CYSLTR2: variants seen among roughly 807,000 people sequenced by gnomAD.
The protein encoded by CYSLTR2 is cysteinyl leukotriene receptor 2, also known as G-protein coupled receptor GPCR21.
For missense variants in CYSLTR2, 398 were observed against 411.9 expected, an observed-to-expected ratio of 0.97 and a Z score of 0.29; for synonymous variants, 179 against 160.8, an observed-to-expected ratio of 1.11 and a Z score of -0.86.
In CYSLTR2 at chr13:48,701,998, C is replaced by G. The variant is rs559975237; in HGVS notation, c.-1-4819C>G. Reference sequence around the variant, plus strand: ...GTGGCACTATTCACAATAGCAAAGACTTGGAACCAACCCAAATGTCCATCA... The same window carrying G: ...GTGGCACTATTCACAATAGCAAAGAGTTGGAACCAACCCAAATGTCCATCA... On this transcript the variant is annotated intron_variant, in intron 4 of 4. Transcript: ENST00000682523. Among the ~76,000 whole-genome samples, 417 of 152,118 alleles carry G rather than the reference C, an allele frequency of 2.7e-3. 4 individuals are homozygous for G. Among genetic ancestry groups the G allele is most frequent in the African/African-American group, 9.6e-3 (398 of 41,476 alleles).
At chr13:48,658,531 C>G (rs1242402294) in intron 1 of CYSLTR2, among the ~76,000 whole-genome samples, 1 of 152,174 alleles carries the variant, frequency 6.6e-6, no homozygotes, top group African/African-American at 2.4e-5. Context: ...CATGGGCAAA[C>G]AGTCTGGTGG....
chr13:48,666,635 C>T (rs1394752492), intron 1 of CYSLTR2, among the ~76,000 whole-genome samples: 1 of 152,066 alleles, frequency 6.6e-6, no homozygotes, highest in Non-Finnish European at 1.5e-5. Context: ...TTTCAAAAGA[C>T]CTGTCTTCGT....
In CYSLTR2 at chr13:48,695,462, C is replaced by T. The variant is rs76267323; in HGVS notation, c.-102-1064C>T. Among the ~76,000 whole-genome samples the T allele has an allele frequency of 2.1e-3, 316 of 150,272 alleles. 2 individuals carry two copies. The highest frequency in any genetic ancestry group is 7.4e-3 in the South Asian group (35 of 4,744). On this transcript the variant is annotated intron_variant, in intron 3 of 4. Coordinates refer to ENST00000682523, the MANE Select transcript of CYSLTR2 (RefSeq NM_001308476.3). ...CTCAGGTCTCACTATGTTGCCTAGG[C>T]TCATCTCAAACTCCTGCACAGCCCA...
Position 48,710,742 on chromosome 13 carries a change from G to A in CYSLTR2, c.*2884G>A, listed in dbSNP as rs1320960031. On this transcript the variant is annotated 3_prime_UTR_variant, in exon 5 of 5. Coordinates refer to ENST00000682523, the MANE Select transcript of CYSLTR2 (RefSeq NM_001308476.3). Reference sequence around the variant, plus strand: ...ATAAACACTTAGTTAAGATGAAAAGGTATTAAATTTGTGGGTGGAAGACAT... The same window carrying A: ...ATAAACACTTAGTTAAGATGAAAAGATATTAAATTTGTGGGTGGAAGACAT... The A allele has an allele frequency of 6.6e-4, 101 of 152,262 alleles. 2 individuals are homozygous for A. Among genetic ancestry groups the A allele is most frequent in the Admixed American group, 6.5e-3 (100 of 15,282 alleles). The allele number at this position is 152,262 out of a possible 1,614,324, so 9.4% of individuals were successfully genotyped here.
At position 48,707,039 on chromosome 13, in the gene CYSLTR2, C is replaced by T. The variant is rs376375520; in HGVS notation, c.222C>T (p.Asn74=). Residue 74 remains asparagine, a synonymous_variant, in exon 5 of 5, where the codon AAC becomes AAT. Transcript: ENST00000682523. Reference sequence around the variant, plus strand: ...CTTATAAGAAGTCCACATCTGTGAACGTTTTCATGCTAAATCTGGCCATTT... The same window carrying T: ...CTTATAAGAAGTCCACATCTGTGAATGTTTTCATGCTAAATCTGGCCATTT... ...LQPYKKSTSV[N]VFMLNLAISD... The T allele has an allele frequency of 5.0e-6, 8 of 1,614,022 alleles. No individual in the cohort carries two copies. The highest frequency in any genetic ancestry group is 1.3e-5 in the African/African-American group (1 of 74,892).
chr13:48,663,626 A>AT (rs1273364955), intron 1 of CYSLTR2, among the ~76,000 whole-genome samples: 2 of 151,326 alleles, frequency 1.3e-5, no homozygotes, highest in Non-Finnish European at 3.0e-5. Context: ...CCCTCTTGAT[A>AT]TTTTTTTTCC....
intron 1 of CYSLTR2, among the ~76,000 whole-genome samples, chr13:48,667,147 A>C (rs1953284644): frequency 6.6e-6 from 1 of 152,158 alleles, no homozygotes; most frequent in Non-Finnish European, 1.5e-5. Flanking sequence ...TGTAGTCTTC[A>C]TGTGGTTTCT....
At chr13:48,661,949 A>C (rs549933465) in intron 1 of CYSLTR2, among the ~76,000 whole-genome samples, 2 of 152,236 alleles carry the variant, frequency 1.3e-5, no homozygotes, top group South Asian at 4.1e-4. Flanking sequence ...ATTAGAACTT[A>C]TTCCTCTCAT....
chr13:48,674,982 C>G (rs1653893932), intron 1 of CYSLTR2, among the ~76,000 whole-genome samples: 1 of 152,238 alleles, frequency 6.6e-6, no homozygotes, highest in South Asian at 2.1e-4. Flanking sequence ...TTGCTGCCTG[C>G]TCCTTCCTCT....
rs760151586 is a variant in CYSLTR2, at chr13:48,707,888, T to C, written c.*30T>C. On this transcript the variant is annotated 3_prime_UTR_variant, in exon 5 of 5. Coordinates refer to ENST00000682523, the MANE Select transcript of CYSLTR2 (RefSeq NM_001308476.3). ...CTCTTAGATGAGACCTGTTCTTGTA[T>C]CCTTGTGTCCATCTTCATTCACTCA... The C allele has an allele frequency of 1.4e-6, 2 of 1,476,340 alleles. No individual in the cohort carries two copies. Among genetic ancestry groups the C allele is most frequent in the Non-Finnish European group, 1.8e-6 (2 of 1,106,554 alleles). The allele number at this position is 1,476,340 out of a possible 1,614,324, so 91.5% of individuals were successfully genotyped here. A position where few individuals can be genotyped will look rare whatever the true frequency, so the allele number is the denominator to read the frequency against.
At chr13:48,680,416 G>A (rs1331601589) in intron 1 of CYSLTR2, among the ~76,000 whole-genome samples, 1 of 152,172 alleles carries the variant, frequency 6.6e-6, no homozygotes, top group East Asian at 1.9e-4. Flanking sequence ...TCTAAGCATC[G>A]ACGTAAGCTA....
intron 3 of CYSLTR2, chr13:48,694,671 A>C (rs1954121396): frequency 6.8e-6 from 1 of 146,898 alleles, no homozygotes; most frequent in Admixed American, 6.9e-5. Context: ...AATCCTTCAG[A>C]GCCCAAGACC....
chr13:48,655,399 C>T (rs185021664), intron 1 of CYSLTR2, among the ~76,000 whole-genome samples: 1 of 152,334 alleles, frequency 6.6e-6, no homozygotes, highest in African/African-American at 2.4e-5. Flanking sequence ...GCCACATAGA[C>T]ATGGCATTTA....
At chr13:48,670,584 G>C (rs1406920609) in intron 1 of CYSLTR2, among the ~76,000 whole-genome samples, 1 of 152,042 alleles carries the variant, frequency 6.6e-6, no homozygotes, top group Non-Finnish European at 1.5e-5. Context: ...GATCAGATGG[G>C]AGCAGATGTG....
chr13:48,690,827 T>C (rs2138938561), intron 1 of CYSLTR2, among the ~76,000 whole-genome samples: 1 of 152,286 alleles, frequency 6.6e-6, no homozygotes, highest in East Asian at 1.9e-4. Flanking sequence ...TCAGAAGGAA[T>C]GGTACCAGCT....
At chr13:48,678,980 C>T (rs185339394) in intron 1 of CYSLTR2, among the ~76,000 whole-genome samples, 55 of 152,256 alleles carry the variant, frequency 3.6e-4, no homozygotes, top group South Asian at 1.2e-3. Context: ...CTCTAAAATG[C>T]AGATCTGCTC....
At chr13:48,668,294 A>G (rs1953320148) in intron 1 of CYSLTR2, among the ~76,000 whole-genome samples, 1 of 151,766 alleles carries the variant, frequency 6.6e-6, no homozygotes, top group Non-Finnish European at 1.5e-5. Context: ...TGCAGAAGGC[A>G]ATGTAGATGT....
intron 1 of CYSLTR2, among the ~76,000 whole-genome samples, chr13:48,658,994 G>A (rs1392211570): frequency 6.6e-6 from 1 of 152,136 alleles, no homozygotes; most frequent in East Asian, 1.9e-4. Context: ...CCATTGAGGA[G>A]GCTGTGCCCA....
chr13:48,707,643 G>C lies in CYSLTR2; in HGVS notation c.826G>C (p.Val276Leu). 6.2e-7 allele frequency: 1 copy of C among 1,613,962 alleles called. No homozygotes were observed. The highest frequency in any genetic ancestry group is 1.7e-4 in the Middle Eastern group (1 of 6,060). The change falls in exon 5 of 5, where the codon GTG becomes CTG. Residue 276 changes from valine to leucine, a missense_variant. By Grantham distance (32) the Val-to-Leu change is conservative (BLOSUM62 1). Coordinates refer to ENST00000682523, the MANE Select transcript of CYSLTR2 (RefSeq NM_001308476.3). ...LRTVHLTTWK[V>L]GLCKDRLHKA... is the part of the protein sequence containing the mutation. ...GACCGTCCACTTGACGACATGGAAA[G>C]TGGGTTTATGCAAAGACAGACTGCA... is the stretch of plus-strand genomic sequence containing the variant.
Sources: gnomAD v4.1 joint callset for allele counts (sites outside exome capture counted in the v4.1 genomes callset) on GRCh38, gnomAD v4.1.1 for gene constraint, MANE v1.5 for transcripts, NCBI Gene and HGNC (gene_info 2026-07-23, HGNC 2026-07-21) for gene names.